CFAP96: variants seen among roughly 807,000 people sequenced by gnomAD.
CFAP96 encodes cilia-and flagella-associated protein 96.
the CFAP96 span, among the ~76,000 whole-genome samples, chr4:185,432,469 T>G: frequency 6.6e-6 from 1 of 152,206 alleles, no homozygotes; most frequent in Non-Finnish European, 1.5e-5. Context: ...AATAATAAAA[T>G]TTGTTCAAAA....
the CFAP96 span, among the ~76,000 whole-genome samples, chr4:185,440,919 G>A: frequency 7.1e-6 from 1 of 140,930 alleles, no homozygotes. Context: ...TTGTCATGAA[G>A]TAATTATTAG....
At chr4:185,436,448 A>G in the CFAP96 span, 1 of 973,260 alleles carries the variant, frequency 1.0e-6, no homozygotes, top group Non-Finnish European at 1.6e-6. Context: ...ACGGTGGCTC[A>G]CATCTGTAAT....
At chr4:185,431,099 A>G in the CFAP96 span, among the ~76,000 whole-genome samples, 1 of 151,582 alleles carries the variant, frequency 6.6e-6, no homozygotes, top group East Asian at 1.9e-4. Flanking sequence ...AGTCCCAGCT[A>G]CTTGGGAGGC....
At chr4:185,420,532 G>A in the CFAP96 span, among the ~76,000 whole-genome samples, 1 of 152,004 alleles carries the variant, frequency 6.6e-6, no homozygotes, top group Middle Eastern at 3.2e-3. Flanking sequence ...GACCATACTG[G>A]TATCTTGATA....
At chr4:185,418,069 A>ACACACACACACACACACACAC in the CFAP96 span, among the ~76,000 whole-genome samples, 4 of 22,782 alleles carry the variant, frequency 1.8e-4, no homozygotes, top group Non-Finnish European at 2.8e-4. Context: ...CACACACACA[A>ACACACACACACACACACACAC]ACAACAGAAC....
At chr4:185,415,512 T>G in the CFAP96 span, among the ~76,000 whole-genome samples, 1 of 152,228 alleles carries the variant, frequency 6.6e-6, no homozygotes. Flanking sequence ...ATTTGCTCTT[T>G]GTGGATAAAG....
chr4:185,408,982 TATC>T, the CFAP96 span, among the ~76,000 whole-genome samples: 2 of 152,218 alleles, frequency 1.3e-5, no homozygotes, highest in East Asian at 3.8e-4. Flanking sequence ...ATACATTACT[TATC>T]ATTTAAAAAA....
the CFAP96 span, chr4:185,415,316 T>C: frequency 6.3e-7 from 1 of 1,596,288 alleles, no homozygotes; most frequent in Non-Finnish European, 8.5e-7. Context: ...GTTAGTTGAT[T>C]ATGAATTGCA....
the CFAP96 span, chr4:185,413,954 C>A: frequency 7.8e-7 from 1 of 1,288,358 alleles, no homozygotes; most frequent in Non-Finnish European, 1.0e-6. Flanking sequence ...TGTTATTAAA[C>A]ATGGAAAATT....
the CFAP96 span, among the ~76,000 whole-genome samples, chr4:185,411,724 T>C: frequency 1.1e-4 from 16 of 152,054 alleles, no homozygotes; most frequent in Admixed American, 4.6e-4. Flanking sequence ...CTGTTGCACA[T>C]ATGTATCGAG....
At chr4:185,443,340 A>ATTTTTTTTTTTTTTT in the CFAP96 span, among the ~76,000 whole-genome samples, 2 of 28,486 alleles carry the variant, frequency 7.0e-5, no homozygotes, top group Admixed American at 3.7e-4. Context: ...ATATATATAT[A>ATTTTTTTTTTTTTTT]TATTTTTTTT....
At chr4:185,435,247 A>C in the CFAP96 span, among the ~76,000 whole-genome samples, 1 of 152,226 alleles carries the variant, frequency 6.6e-6, no homozygotes, top group Non-Finnish European at 1.5e-5. Context: ...CCATTTGTAG[A>C]CTGAAGGTAT....
At chr4:185,420,719 A>G in the CFAP96 span, among the ~76,000 whole-genome samples, 1 of 152,238 alleles carries the variant, frequency 6.6e-6, no homozygotes, top group African/African-American at 2.4e-5. Context: ...GTTACCTAAA[A>G]AAAACTGTGA....
At chr4:185,409,093 G>T in the CFAP96 span, among the ~76,000 whole-genome samples, 1 of 152,004 alleles carries the variant, frequency 6.6e-6, no homozygotes, top group Non-Finnish European at 1.5e-5. Context: ...CTGGCACACG[G>T]TTAATATAAA....
At chr4:185,436,714 AT>A in the CFAP96 span, among the ~76,000 whole-genome samples, 1 of 129,390 alleles carries the variant, frequency 7.7e-6, no homozygotes, top group African/African-American at 3.4e-5. Context: ...CGTCTCAAAA[AT>A]AATAATAATA....
At chr4:185,430,868 A>G in the CFAP96 span, among the ~76,000 whole-genome samples, 1 of 150,892 alleles carries the variant, frequency 6.6e-6, no homozygotes, top group Non-Finnish European at 1.5e-5. Context: ...ACTGCATTCC[A>G]GTCTGGGTGC....
the CFAP96 span, chr4:185,415,572 TTTAA>T: frequency 1.2e-6 from 1 of 863,576 alleles, no homozygotes; most frequent in East Asian, 2.8e-5. Flanking sequence ...CAAATAACCA[TTTAA>T]TTAATAGATG....
the CFAP96 span, among the ~76,000 whole-genome samples, chr4:185,424,732 G>A: frequency 2.6e-5 from 4 of 152,192 alleles, no homozygotes; most frequent in Admixed American, 2.6e-4. Flanking sequence ...GAAGATAAAA[G>A]TTAGACAGGA....
chr4:185,425,629 T>C, the CFAP96 span, among the ~76,000 whole-genome samples: 4 of 152,180 alleles, frequency 2.6e-5, no homozygotes, highest in African/African-American at 4.8e-5. Context: ...CACAGAGAAG[T>C]AGCAGGGGGT....
Sources: gnomAD v4.1 joint callset for allele counts (sites outside exome capture counted in the v4.1 genomes callset) on GRCh38, gnomAD v4.1.1 for gene constraint, MANE v1.5 for transcripts, NCBI Gene and HGNC (gene_info 2026-07-23, HGNC 2026-07-21) for gene names.